The following B3GALT1 variants were observed in gnomAD, a reference collection of about 807,000 sequenced individuals.
The protein encoded by B3GALT1 is UDP-Gal:betaGlcNAc beta 1,3-galactosyltransferase, polypeptide 1.
A neutral mutation model predicts 23.2 loss-of-function variants in B3GALT1; 10 were observed. The observed-to-expected ratio is 0.43, with a 90% confidence interval of 0.27 to 0.73. The LOEUF (loss-of-function observed/expected upper bound fraction) is 0.73, where lower values mean the gene tolerates loss of function less well. B3GALT1 is among the 30% of genes least tolerant of loss of function. The pLI, the probability that B3GALT1 is intolerant of heterozygous loss-of-function variation, is 0.21. For missense variants in B3GALT1, 299 were observed against 405.4 expected (o/e 0.74, Z 2.25); for synonymous variants, 156 against 141.5 (o/e 1.10, Z -0.73).
At chr2:167,374,896 G>A (rs139533878) in intron 1 of B3GALT1, among the ~76,000 whole-genome samples, 51 of 152,024 alleles carry the variant, frequency 3.4e-4, no homozygotes, top group African/African-American at 1.1e-3. Context: ...CTTTTGAGGA[G>A]TTAGTCATAA....
intron 1 of B3GALT1, among the ~76,000 whole-genome samples, chr2:167,359,969 T>C (rs193299842): frequency 8.5e-5 from 13 of 152,304 alleles, no homozygotes; most frequent in Admixed American, 2.6e-4. Flanking sequence ...CAAAATTCTC[T>C]TTCAAATTTT....
intron 1 of B3GALT1, among the ~76,000 whole-genome samples, chr2:167,457,329 T>C (rs536586060): frequency 3.9e-5 from 6 of 151,960 alleles, no homozygotes; most frequent in African/African-American, 1.2e-4. Context: ...CACACTACCA[T>C]GCCCAGCTAA....
chr2:167,843,757 C>T (rs867747631), intron 4 of B3GALT1, among the ~76,000 whole-genome samples: 1 of 152,096 alleles, frequency 6.6e-6, no homozygotes, highest in Non-Finnish European at 1.5e-5. Context: ...CTGTATTGTT[C>T]CTCTGAAATA....
chr2:167,846,969 C>CA (rs1273648874), intron 4 of B3GALT1, among the ~76,000 whole-genome samples: 2 of 152,108 alleles, frequency 1.3e-5, no homozygotes, highest in Admixed American at 6.5e-5. Context: ...TTATATCAGA[C>CA]AAAACAAACA....
chr2:167,764,381 G>A (rs1325880186), intron 3 of B3GALT1, among the ~76,000 whole-genome samples: 1 of 152,140 alleles, frequency 6.6e-6, no homozygotes, highest in African/African-American at 2.4e-5. Flanking sequence ...ATCTTAGGTG[G>A]CAATTTTCTG....
At chr2:167,734,112 G>A (rs943453244) in intron 3 of B3GALT1, among the ~76,000 whole-genome samples, 5 of 152,064 alleles carry the variant, frequency 3.3e-5, no homozygotes, top group Admixed American at 1.3e-4. Context: ...TGGAATTAAC[G>A]GGTTTATTGA....
intron 2 of B3GALT1, among the ~76,000 whole-genome samples, chr2:167,609,376 A>G: frequency 6.6e-6 from 1 of 152,144 alleles, no homozygotes; most frequent in East Asian, 1.9e-4. Context: ...CCTTTTGGCC[A>G]TAAATAATAG....
chr2:167,852,189 A>C (rs1689915316), intron 4 of B3GALT1, among the ~76,000 whole-genome samples: 1 of 152,200 alleles, frequency 6.6e-6, no homozygotes. Flanking sequence ...AGCTATTGCA[A>C]ATAGTGACTG....
intron 3 of B3GALT1, among the ~76,000 whole-genome samples, chr2:167,805,066 T>C (rs1030889537): frequency 4.6e-5 from 7 of 152,246 alleles, no homozygotes; most frequent in Non-Finnish European, 8.8e-5. Context: ...TTTGCATTTC[T>C]CTGATGGCCA....
intron 3 of B3GALT1, among the ~76,000 whole-genome samples, chr2:167,699,378 C>CT (rs1285786645): frequency 8.9e-5 from 7 of 78,664 alleles, no homozygotes; most frequent in African/African-American, 2.5e-4. Flanking sequence ...GCCATTATTT[C>CT]TATTTTTTTT....
intron 2 of B3GALT1, among the ~76,000 whole-genome samples, chr2:167,563,391 C>A (rs113558123): frequency 7.3e-5 from 10 of 136,482 alleles, no homozygotes; most frequent in African/African-American, 2.8e-4. Flanking sequence ...CCGGACGGGG[C>A]GGCTGGCCGG....
intron 3 of B3GALT1, among the ~76,000 whole-genome samples, chr2:167,703,072 A>C (rs912853865): frequency 4.1e-4 from 63 of 152,198 alleles, no homozygotes; most frequent in African/African-American, 1.5e-3. Flanking sequence ...TTAGGGCATC[A>C]GGGGGACAAT....
chr2:167,465,117 A>G (rs1200037243), intron 1 of B3GALT1, among the ~76,000 whole-genome samples: 1 of 152,244 alleles, frequency 6.6e-6, no homozygotes. Flanking sequence ...GTGAAGAGGA[A>G]AGTATTAAGT....
chr2:167,859,879 A>G (rs1690065724), intron 4 of B3GALT1, among the ~76,000 whole-genome samples: 1 of 152,186 alleles, frequency 6.6e-6, no homozygotes. Context: ...ATTTCCTTAA[A>G]TAGCCAAGGA....
intron 3 of B3GALT1, among the ~76,000 whole-genome samples, chr2:167,809,697 G>C (rs1054415211): frequency 2.1e-4 from 32 of 152,182 alleles, no homozygotes; most frequent in Non-Finnish European, 4.0e-4. Flanking sequence ...TGCCCCTACT[G>C]GGGGGTGCCT....
chr2:167,362,098 T>A (rs1559075386), intron 1 of B3GALT1, among the ~76,000 whole-genome samples: 1 of 151,962 alleles, frequency 6.6e-6, no homozygotes, highest in Non-Finnish European at 1.5e-5. Context: ...AATCAGAGTC[T>A]TGGATTCTAA....
chr2:167,338,790 A>G (rs1211412561), intron 1 of B3GALT1, among the ~76,000 whole-genome samples: 4 of 152,110 alleles, frequency 2.6e-5, no homozygotes, highest in Admixed American at 2.6e-4. Context: ...AAGAGGCCCA[A>G]TAAACAAAGT....
chr2:167,564,178 T>G (rs1255618471), intron 2 of B3GALT1, among the ~76,000 whole-genome samples: 5 of 132,180 alleles, frequency 3.8e-5, no homozygotes, highest in Non-Finnish European at 8.2e-5. Context: ...GTCTCCTCAC[T>G]TCTCAGACGG....
intron 1 of B3GALT1, among the ~76,000 whole-genome samples, chr2:167,429,240 C>G (rs1044967097): frequency 2.0e-5 from 3 of 149,876 alleles, no homozygotes; most frequent in Non-Finnish European, 4.4e-5. Context: ...GAGATCGCGC[C>G]GCTGCACTCC....
Sources: allele counts gnomAD v4.1 joint callset (sites outside exome capture counted in the v4.1 genomes callset), GRCh38; gene constraint gnomAD v4.1.1; transcripts MANE v1.5; gene names NCBI Gene and HGNC (gene_info 2026-07-23, HGNC 2026-07-21).